Variants in GNG7 observed in about 807,000 individuals in gnomAD.
GNG7 encodes G protein subunit gamma 7, also known as guanine nucleotide-binding protein G(I)/G(S)/G(O) subunit gamma-7.
Under a neutral mutation model 4.0 loss-of-function variants are expected in GNG7, and 1 was observed. That is an observed-to-expected ratio of 0.25 (90% CI 0.09 to 1.18). GNG7 has a LOEUF of 1.18. Ranked by LOEUF, GNG7 falls within the 50% of genes most tolerant of loss-of-function variation. The pLI is 0.50. For missense variants in GNG7, 86 were observed against 91.9 expected, an observed-to-expected ratio of 0.94 and a Z score of 0.26; for synonymous variants, 34 against 36.9, an observed-to-expected ratio of 0.92 and a Z score of 0.29.
In GNG7 at chr19:2,520,680, G is replaced by A. The variant is rs1283809415; in HGVS notation, c.9C>T (p.Ala3=). 1 of 1,539,980 alleles carries A rather than the reference G, an allele frequency of 6.5e-7. No homozygotes were observed. The highest frequency in any genetic ancestry group is 1.2e-5 in the South Asian group (1 of 83,926). The change falls in exon 4 of 5, where the codon GCC becomes GCT. Residue 3 remains alanine, a synonymous_variant. Transcript: ENST00000382159. Reference sequence around the variant, plus strand: ...TCCGGGCCTGGGCTATGTTGTTAGTGGCTGACATTGTCTGCCATCAGCTCT... The same window carrying A: ...TCCGGGCCTGGGCTATGTTGTTAGTAGCTGACATTGTCTGCCATCAGCTCT... MS[A]TNNIAQARKL...
rs180707855 is a variant in GNG7 at position 2,639,066 on chromosome 19, A to G, written c.-78+7158T>C. On this transcript the variant is annotated intron_variant, in intron 2 of 4. Transcript: ENST00000382159. ...AGCCTGGCCAACATGGTGAAACCCC[A>G]TCTCTACTAAAAATACAAAAATTAG... 5.3e-3 allele frequency among the ~76,000 whole-genome samples: 798 copies of G among 151,940 alleles called. 7 individuals are homozygous for G. Among genetic ancestry groups the G allele is most frequent in the African/African-American group, 0.018 (755 of 41,416 alleles).
chr19:2,597,861 A>C (rs1401206386), intron 2 of GNG7, among the ~76,000 whole-genome samples: 2 of 149,306 alleles, frequency 1.3e-5, no homozygotes, highest in African/African-American at 2.5e-5. Flanking sequence ...GCGCCACTGC[A>C]CTCCAGCCTG....
chr19:2,564,735 C>T (rs1384951365), intron 2 of GNG7, among the ~76,000 whole-genome samples: 1 of 152,186 alleles, frequency 6.6e-6, no homozygotes, highest in East Asian at 1.9e-4. Flanking sequence ...CCCCTGGAGT[C>T]TCTGGAGGGA....
At chr19:2,629,730 T>C (rs1437860718) in intron 2 of GNG7, among the ~76,000 whole-genome samples, 1 of 152,162 alleles carries the variant, frequency 6.6e-6, no homozygotes, top group Non-Finnish European at 1.5e-5. Context: ...TGTTTGGTTG[T>C]ACTCCCGCCT....
At chr19:2,607,834 C>T (rs1286540374) in intron 2 of GNG7, among the ~76,000 whole-genome samples, 2 of 151,956 alleles carry the variant, frequency 1.3e-5, no homozygotes, top group Non-Finnish European at 2.9e-5. Context: ...CAGCACAGAC[C>T]GGCGCTCACC....
At chr19:2,643,956 G>C (rs1007640563) in intron 2 of GNG7, 2 of 222,324 alleles carry the variant, frequency 9.0e-6, no homozygotes, top group African/African-American at 4.6e-5. Context: ...ACATTTTTAT[G>C]TTTGGCTTCA....
At chr19:2,657,399 T>TACGCACACAC (rs1983025231) in intron 1 of GNG7, among the ~76,000 whole-genome samples, 1 of 80,748 alleles carries the variant, frequency 1.2e-5, no homozygotes, top group African/African-American at 6.2e-5. Context: ...TATATATATA[T>TACGCACACAC]ACACATAATA....
rs1393265949 is a variant in GNG7 at position 2,557,457 on chromosome 19, A to G, written c.-77-2269T>C. Among the ~76,000 whole-genome samples the G allele has an allele frequency of 6.6e-6, 1 of 152,214 alleles. No individual in the cohort carries two copies. The highest frequency in any genetic ancestry group is 1.5e-5 in the Non-Finnish European group (1 of 68,040). ...CTGCTAGTAAACATGCACAGACTCA[A>G]GAAACGAGGGGCTGCAGGACTTTTC... On this transcript the variant is annotated intron_variant, in intron 2 of 4. Coordinates refer to ENST00000382159, the MANE Select transcript of GNG7 (RefSeq NM_052847.3). The surrounding 1 kb of genome is among the most constrained non-coding windows in gnomAD (Gnocchi z 5.1).
chr19:2,657,399 T>TATACACACAC (rs1332253018), intron 1 of GNG7, among the ~76,000 whole-genome samples: 2 of 80,746 alleles, frequency 2.5e-5, no homozygotes, highest in African/African-American at 1.2e-4. Flanking sequence ...TATATATATA[T>TATACACACAC]ACACATAATA....
chr19:2,604,559 A>T (rs1277832393), intron 2 of GNG7, among the ~76,000 whole-genome samples: 1 of 141,924 alleles, frequency 7.0e-6, no homozygotes, highest in Non-Finnish European at 1.5e-5. Context: ...GAAGGAAGGA[A>T]GCGAGGGACA....
chr19:2,661,302 GAGAAAGAA>G (rs71179906), intron 1 of GNG7, among the ~76,000 whole-genome samples: 25 of 73,124 alleles, frequency 3.4e-4, no homozygotes, highest in African/African-American at 1.3e-3. Flanking sequence ...AAGAAAGAAA[GAGAAAGAA>G]AGAAAGAAAG....
chr19:2,569,852 G>C lies in GNG7; in HGVS notation c.-77-14664C>G, dbSNP rs1002351182. Among the ~76,000 whole-genome samples the C allele has an allele frequency of 9.9e-5, 15 of 152,242 alleles. No homozygotes were observed. In the East Asian group the frequency reaches 2.3e-3, roughly 24 times the overall value. On this transcript the variant is annotated intron_variant, in intron 2 of 4. Coordinates refer to ENST00000382159, the MANE Select transcript of GNG7 (RefSeq NM_052847.3). ...CCAGACATCTCCCGGTGTCCCCTGG[G>C]AGCAGGATCAGCCCCAGCTGAGAAC... is the stretch of plus-strand genomic sequence containing the variant.
chr19:2,659,531 A>C (rs1035892159), intron 1 of GNG7, among the ~76,000 whole-genome samples: 1 of 141,424 alleles, frequency 7.1e-6, no homozygotes, highest in Non-Finnish European at 1.5e-5. Flanking sequence ...CGGAGGTTGC[A>C]GTGAGCTGAG....
chr19:2,693,362 G>A (rs889168655), intron 1 of GNG7, among the ~76,000 whole-genome samples: 3 of 147,092 alleles, frequency 2.0e-5, no homozygotes, highest in Non-Finnish European at 3.0e-5. Context: ...GTTGCAGTGA[G>A]CCAAGATCAC....
intron 1 of GNG7, among the ~76,000 whole-genome samples, chr19:2,676,621 G>T (rs8107123): frequency 0.32 from 48,653 of 151,842 alleles, 8,980 homozygotes; most frequent in East Asian, 0.56. Context: ...TCACCATGTT[G>T]CCCAAGCTGG....
intron 1 of GNG7, among the ~76,000 whole-genome samples, chr19:2,689,899 G>A (rs1032769541): frequency 3.2e-4 from 48 of 152,012 alleles, no homozygotes; most frequent in African/African-American, 9.9e-4. Context: ...CACTCTCTAC[G>A]GCAACGACTT....
At chr19:2,656,410 T>C (rs1005611522) in intron 1 of GNG7, among the ~76,000 whole-genome samples, 1 of 152,198 alleles carries the variant, frequency 6.6e-6, no homozygotes, top group Non-Finnish European at 1.5e-5. Context: ...AAGACCAGCC[T>C]GGCCAACATG....
intron 2 of GNG7, among the ~76,000 whole-genome samples, chr19:2,615,971 A>T (rs1414715100): frequency 6.6e-6 from 1 of 152,222 alleles, no homozygotes; most frequent in East Asian, 1.9e-4. Flanking sequence ...GGGCCACCCC[A>T]GGATCTGGTG....
intron 2 of GNG7, among the ~76,000 whole-genome samples, chr19:2,605,596 C>T (rs1372361371): frequency 1.4e-5 from 2 of 144,438 alleles, no homozygotes; most frequent in Non-Finnish European, 3.0e-5. Flanking sequence ...TTACTGCAAC[C>T]TCTGCCTCCT....
Sources: gnomAD v4.1 joint callset for allele counts (sites outside exome capture counted in the v4.1 genomes callset) on GRCh38, gnomAD v4.1.1 for gene constraint, Gnocchi (gnomAD v3.1) non-coding constraint, MANE v1.5 for transcripts, NCBI Gene and HGNC (gene_info 2026-07-23, HGNC 2026-07-21) for gene names.